Variants in MOGS observed in about 807,000 individuals in gnomAD.
MOGS encodes the protein mannosyl-oligosaccharide glucosidase.
In MOGS, 45 loss-of-function variants were observed where a neutral mutation model predicts 68.5. That is an observed-to-expected ratio of 0.66 (90% confidence interval 0.52 to 0.84). The LOEUF (loss-of-function observed/expected upper bound fraction) is 0.84, where lower values mean the gene tolerates loss of function less well. MOGS is among the 40% of genes least tolerant of loss of function. The pLI, the probability that MOGS is intolerant of heterozygous loss-of-function variation, is 0.00. For missense variants in MOGS, 1,020 were observed against 1,095.0 expected, an observed-to-expected ratio of 0.93 and a Z score of 0.97; for synonymous variants, 492 against 461.2, an observed-to-expected ratio of 1.07 and a Z score of -0.86.
In MOGS at chr2:74,465,025, G is replaced by A; in HGVS notation, c.223C>T (p.His75Tyr). ...GCAGGCAACACAGGAGGCGCGGAGT[G>A]CAGCGTGACCGCCCGCCGCGCACGG... ...WYRARRAVTLHSAPPVLPADS... is the reference protein window; with the variant it reads ...WYRARRAVTLYSAPPVLPADS... The change falls in exon 1 of 4, where the codon CAC becomes TAC. Residue 75 changes from histidine to tyrosine, a missense_variant. Coordinates refer to ENST00000448666, the MANE Select transcript of MOGS (RefSeq NM_006302.3). The A allele has an allele frequency of 1.3e-6, 2 of 1,554,172 alleles. No individual in the cohort carries two copies. The highest frequency in any genetic ancestry group is 3.9e-5 in the Admixed American group (2 of 51,274).
Position 74,462,360 on chromosome 2 carries a change from G to C in MOGS, c.1429C>G (p.Leu477Val). The C allele has an allele frequency of 3.7e-6, 6 of 1,614,022 alleles. No homozygotes were observed. Among genetic ancestry groups the C allele is most frequent in the Non-Finnish European group, 5.1e-6 (6 of 1,180,000 alleles). The change falls in exon 4 of 4, where the codon CTG becomes GTG. Residue 477 changes from leucine (L) to valine (V), a missense_variant. Coordinates refer to ENST00000448666, the MANE Select transcript of MOGS (RefSeq NM_006302.3). ...CCAATCCAGCCATCAGCATTTAGCA[G>C]CCCCAGCCAGTGGCCAAGGGCTTCC... ...TREALGHWLG[L>V]LNADGWIGRE...
intron 2 of MOGS, chr2:74,463,660 CTTTTTTT>C (rs952902052): frequency 2.7e-4 from 54 of 197,746 alleles, no homozygotes; most frequent in Admixed American, 9.6e-4. Flanking sequence ...TCATTTAATT[CTTTTTTT>C]TTTTTTTTTT....
In MOGS at chr2:74,462,315, C is replaced by A; in HGVS notation, c.1474G>T (p.Asp492Tyr). Residue 492 changes from aspartate (D) to tyrosine (Y), a missense_variant, in exon 4 of 4, where the codon GAT (aspartate) becomes TAT (tyrosine). By Grantham distance (160) the Asp-to-Tyr change is radical. Coordinates refer to ENST00000448666, the MANE Select transcript of MOGS (RefSeq NM_006302.3). Reference sequence around the variant, plus strand: ...GGAGGCACCCGGGCTCGGGCCTCATCCCCCAGTATCTGCTCCCTCCCAATC... The same window carrying A: ...GGAGGCACCCGGGCTCGGGCCTCATACCCCAGTATCTGCTCCCTCCCAATC... Reference protein sequence around the residue: ...GWIGREQILGDEARARVPPEF... With the variant: ...GWIGREQILGYEARARVPPEF... The A allele has an allele frequency of 6.2e-7, 1 of 1,613,878 alleles. No homozygotes were observed. The highest frequency in any genetic ancestry group is 8.5e-7 in the Non-Finnish European group (1 of 1,180,006).
chr2:74,462,894 C>G lies in MOGS; in HGVS notation c.895G>C (p.Gly299Arg). ...PPGAPPERYL[G>R]LPGSLKWEDR... ...TCCCACTTCAGGGATCCTGGCAAGC[C>G]GAGGTAGCGTTCAGGGGGGGCCCCT... The change falls in exon 4 of 4, where the codon GGC becomes CGC. Residue 299 changes from glycine to arginine, a missense_variant. Gly to Arg is a moderately radical substitution (Grantham distance 125). This residue lies in a region of MOGS where 569 missense variants were observed against 571.9 expected (regional missense o/e 0.99). Coordinates refer to ENST00000448666, the MANE Select transcript of MOGS (RefSeq NM_006302.3). 6.2e-7 allele frequency: 1 copy of G among 1,614,152 alleles called. No individual in the cohort carries two copies. Among genetic ancestry groups the G allele is most frequent in the Non-Finnish European group, 8.5e-7 (1 of 1,180,046 alleles).
In MOGS at chr2:74,462,632, C is replaced by T; in HGVS notation, c.1157G>A (p.Gly386Asp). The stretch of plus-strand genomic sequence containing the variant: ...GGCAGCCTGACCCAAAACCTGCTCG[C>T]CAGAGCTCAGGCCCTTCTCCTTCAG... ...FQLKEKGLSS[G>D]EQVLGQAALS... is the part of the protein sequence containing the mutation. Residue 386 changes from glycine to aspartate, a missense_variant, in exon 4 of 4, where the codon GGC (glycine) becomes GAC (aspartate). Transcript: ENST00000448666. The T allele has an allele frequency of 6.2e-7, 1 of 1,614,240 alleles. No individual in the cohort carries two copies. Among genetic ancestry groups the T allele is most frequent in the Non-Finnish European group, 8.5e-7 (1 of 1,180,048 alleles).
At position 74,461,884 on chromosome 2, in the gene MOGS, C is replaced by T; in HGVS notation, c.1905G>A (p.Glu635=). ...AELGPLAASL[E]AAESLDELHW... is the part of the protein sequence containing the mutation. ...GCAGCTCATCCAGGCTCTCTGCTGC[C>T]TCCAGTGAGGCAGCCAGTGGGCCCA... The change falls in exon 4 of 4, where the codon GAG becomes GAA. Residue 635 remains glutamate, a synonymous_variant. Coordinates refer to ENST00000448666, the MANE Select transcript of MOGS (RefSeq NM_006302.3). 6.2e-7 allele frequency: 1 copy of T among 1,614,102 alleles called. No homozygotes were observed. The highest frequency in any genetic ancestry group is 8.5e-7 in the Non-Finnish European group (1 of 1,180,018).
In MOGS at chr2:74,462,780, C is replaced by T. The variant is rs746064272; in HGVS notation, c.1009G>A (p.Glu337Lys). 3.7e-6 allele frequency: 6 copies of T among 1,614,230 alleles called. No individual in the cohort carries two copies. Among genetic ancestry groups the T allele is most frequent in the Non-Finnish European group, 4.2e-6 (5 of 1,180,044 alleles). ...CCTCCTGCCTGGGCACTGCCTGATT[C>T]AAACACAAACTCTATGGAAATGGGA... ...KIPISIEFVFESGSAQAGGNQ... is the reference protein window; with the variant it reads ...KIPISIEFVFKSGSAQAGGNQ... Residue 337 changes from glutamate to lysine, a missense_variant, in exon 4 of 4, where the codon GAA (glutamate) becomes AAA (lysine). Physicochemically the swap from Glu to Lys is moderately conservative, Grantham distance 56. This residue lies in a region of MOGS where 569 missense variants were observed against 571.9 expected (regional missense o/e 0.99). Transcript: ENST00000448666.
At position 74,461,593 on chromosome 2, in the gene MOGS, T is replaced by C. The variant is rs1053860958; in HGVS notation, c.2196A>G (p.Ala732=). ...GCTGGCCATAAAAGGAGCTGGAGGC[T>C]GCAAGGGAGCGTAAACCAAAGGGGC... ...LWSPFGLRSL[A]ASSSFYGQRN... is the part of the protein sequence containing the mutation. The change falls in exon 4 of 4, where the codon GCA becomes GCG. Residue 732 remains alanine (A), a synonymous_variant. Coordinates refer to ENST00000448666, the MANE Select transcript of MOGS (RefSeq NM_006302.3). 8.7e-6 allele frequency: 14 copies of C among 1,613,972 alleles called. No homozygotes were observed. Among genetic ancestry groups the C allele is most frequent in the Non-Finnish European group, 1.1e-5 (13 of 1,179,898 alleles).
chr2:74,461,737 C>G lies in MOGS; in HGVS notation c.2052G>C (p.Gln684His), dbSNP rs772623361. Residue 684 changes from glutamine (Q) to histidine (H), a missense_variant, in exon 4 of 4, where the codon CAG becomes CAC. Coordinates refer to ENST00000448666, the MANE Select transcript of MOGS (RefSeq NM_006302.3). ...RVVGRPQPQL[Q>H]YVDALGYVSL... The stretch of plus-strand genomic sequence containing the variant: ...TGACATAGCCAAGAGCATCTACATA[C>G]TGCAGTTGAGGTTGGGGCCGACCCA... 1 of 1,614,260 alleles carries G rather than the reference C, an allele frequency of 6.2e-7. No individual in the cohort carries two copies. The highest frequency in any genetic ancestry group is 8.5e-7 in the Non-Finnish European group (1 of 1,180,054).
rs772958580 is a variant in MOGS at position 74,464,987 on chromosome 2, G to A, written c.261C>T (p.Ser87=). 3.2e-6 allele frequency: 5 copies of A among 1,562,516 alleles called. No individual in the cohort carries two copies. Among genetic ancestry groups the A allele is most frequent in the East Asian group, 4.8e-5 (2 of 42,024 alleles). Residue 87 remains serine (S), a synonymous_variant, in exon 1 of 4, where the codon AGC becomes AGT. Transcript: ENST00000448666. ...APPVLPADSS[S]PAVAPDLFWG... is the part of the protein sequence containing the mutation. ...AGAAGAGGTCCGGGGCCACGGCGGG[G>A]CTGGAGGAGTCGGCAGGCAACACAG...
At position 74,465,006 on chromosome 2, in the gene MOGS, A is replaced by AAC; in HGVS notation, c.240_241dup (p.Leu81CysfsTer28). The AAC allele has an allele frequency of 6.4e-7, 1 of 1,556,630 alleles. No homozygotes were observed. The highest frequency in any genetic ancestry group is 8.7e-7 in the Non-Finnish European group (1 of 1,150,322). On this transcript the variant is annotated frameshift_variant, in exon 1 of 4. Coordinates refer to ENST00000448666, the MANE Select transcript of MOGS (RefSeq NM_006302.3). LOFTEE classifies it high-confidence loss of function. ...GGCGGGGCTGGAGGAGTCGGCAGGC[A>AAC]ACACAGGAGGCGCGGAGTGCAGCGT...
chr2:74,463,136 GA>G, intron 3 of MOGS, 53 bp downstream of exon 3: 1 of 1,611,614 alleles, frequency 6.2e-7, no homozygotes, highest in Non-Finnish European at 8.5e-7. Flanking sequence ...GGAGACTGGT[GA>G]AAATGGGAAT....
Position 74,461,345 on chromosome 2 carries a change from C to T in MOGS, c.2444G>A (p.Arg815Gln), listed in dbSNP as rs778832533. 8.7e-6 allele frequency: 14 copies of T among 1,614,010 alleles called. No homozygotes were observed. The highest frequency in any genetic ancestry group is 1.6e-4 in the Middle Eastern group (1 of 6,084). Residue 815 changes from arginine to glutamine, a missense_variant, in exon 4 of 4, where the codon CGA becomes CAA. Arg to Gln is a conservative substitution (Grantham distance 43). Coordinates refer to ENST00000448666, the MANE Select transcript of MOGS (RefSeq NM_006302.3). The stretch of plus-strand genomic sequence containing the variant: ...GTGGAAAGGGCGGCAGCCCATGCCT[C>T]GCCCATCGCGGTCACTGTACTGCTC... Reference protein sequence around the residue: ...LWEQYSDRDGRGMGCRPFHGW... With the variant: ...LWEQYSDRDGQGMGCRPFHGW...
rs764633080 is a variant in MOGS, at chr2:74,461,451, C to T, written c.2338G>A (p.Ala780Thr). 8.1e-6 allele frequency: 13 copies of T among 1,614,098 alleles called. No individual in the cohort carries two copies. In the African/African-American group the frequency reaches 1.3e-4, roughly 17 times the overall value. ...CGGAGCTCACCGTGGAGTTTGGCAG[C>T]CCGAGCCTGGTGAGGACCCTCCAGA... Reference protein sequence around the residue: ...GHLEGPHQARAAKLHGELRAN... With the variant: ...GHLEGPHQARTAKLHGELRAN... The change falls in exon 4 of 4, where the codon GCT becomes ACT. Residue 780 changes from alanine to threonine, a missense_variant. Ala to Thr is a moderately conservative substitution (Grantham distance 58). Coordinates refer to ENST00000448666, the MANE Select transcript of MOGS (RefSeq NM_006302.3).
chr2:74,464,662 T>G lies in MOGS; in HGVS notation c.413A>C (p.Glu138Ala). 6.2e-7 allele frequency: 1 copy of G among 1,614,054 alleles called. No homozygotes were observed. The highest frequency in any genetic ancestry group is 8.5e-7 in the Non-Finnish European group (1 of 1,180,022). ...PGTPKLRHTC[E>A]QGDGVGPYGW... ...ATAGGGACCCACACCGTCCCCCTGC[T>G]CACACGTGTGCCTGAGCTTAGGAGT... Residue 138 changes from glutamate to alanine, a missense_variant, in exon 2 of 4, where the codon GAG becomes GCG. Physicochemically the swap from Glu to Ala is moderately radical, Grantham distance 107. Coordinates refer to ENST00000448666, the MANE Select transcript of MOGS (RefSeq NM_006302.3).
At chr2:74,464,279 C>T (rs1183685520) in intron 2 of MOGS, 1 of 567,248 alleles carries the variant, frequency 1.8e-6, no homozygotes, top group African/African-American at 1.9e-5. Flanking sequence ...TTAATTCTTA[C>T]AGTCCTGTGA....
rs1672041053 is a variant in MOGS, at chr2:74,465,350, T to C, written c.-103A>G. The C allele has an allele frequency of 4.7e-6, 3 of 642,866 alleles. No homozygotes were observed. Among genetic ancestry groups the C allele is most frequent in the Admixed American group, 4.3e-5 (1 of 23,020 alleles). 39.8% of individuals were successfully genotyped at this position (642,866 alleles called of 1,614,324 possible). ...CCGCCTCTCGCCCTGGCGACCACCG[T>C]CCGGTTAGCGACACCTGCCAGCCAG... On this transcript the variant is annotated 5_prime_UTR_variant, in exon 1 of 4. Coordinates refer to ENST00000448666, the MANE Select transcript of MOGS (RefSeq NM_006302.3).
At position 74,464,541 on chromosome 2, in the gene MOGS, A is replaced by T. The variant is rs1326318256; in HGVS notation, c.534T>A (p.Gly178=). The change falls in exon 2 of 4, where the codon GGT becomes GGA. Residue 178 remains glycine, a synonymous_variant. Coordinates refer to ENST00000448666, the MANE Select transcript of MOGS (RefSeq NM_006302.3). Reference sequence around the variant, plus strand: ...TCCAGCTCCAGTCCCCTCCGTGCTGACCCCCAGGCCTCTTGACGAACTCAG... The same window carrying T: ...TCCAGCTCCAGTCCCCTCCGTGCTGTCCCCCAGGCCTCTTGACGAACTCAG... The part of the protein sequence containing the change: ...LTTEFVKRPG[G]QHGGDWSWRV... 2 of 1,613,594 alleles carry T rather than the reference A, an allele frequency of 1.2e-6. No homozygotes were observed. Among genetic ancestry groups the T allele is most frequent in the African/African-American group, 1.3e-5 (1 of 74,730 alleles).
At position 74,465,338 on chromosome 2, in the gene MOGS, T is replaced by G; in HGVS notation, c.-91A>C. ...CCTCTCCGGCTCCCGCCTCTCGCCC[T>G]GGCGACCACCGTCCGGTTAGCGACA... On this transcript the variant is annotated 5_prime_UTR_variant, in exon 1 of 4. Coordinates refer to ENST00000448666, the MANE Select transcript of MOGS (RefSeq NM_006302.3). 1 of 818,206 alleles carries G rather than the reference T, an allele frequency of 1.2e-6. No homozygotes were observed. Among genetic ancestry groups the G allele is most frequent in the Non-Finnish European group, 1.7e-6 (1 of 589,052 alleles). 50.7% of individuals were successfully genotyped at this position (818,206 alleles called of 1,614,324 possible). A position where few individuals can be genotyped will look rare whatever the true frequency, so the allele number is the denominator to read the frequency against.
Sources: gnomAD v4.1 joint callset for allele counts on GRCh38, gnomAD v4.1.1 for gene constraint, gnomAD v4.1.1 regional missense constraint, MANE v1.5 for transcripts, NCBI Gene and HGNC (gene_info 2026-07-23, HGNC 2026-07-21) for gene names.